The following PTPRD variants were observed in gnomAD, a reference collection of about 807,000 sequenced individuals.
PTPRD encodes receptor-type tyrosine-protein phosphatase delta.
A neutral mutation model predicts 214.5 loss-of-function variants in PTPRD; 34 were observed. That is an observed-to-expected ratio of 0.16 (90% confidence interval 0.12 to 0.21). The LOEUF (loss-of-function observed/expected upper bound fraction) is 0.21, where lower values mean the gene tolerates loss of function less well. PTPRD is among the 10% of genes least tolerant of loss of function. The probability of loss-of-function intolerance (pLI) is 1.00; values close to 1 mark genes in which losing one functional copy is unlikely to be tolerated. For missense variants in PTPRD, 2,545 were observed against 2,398.7 expected, an observed-to-expected ratio of 1.06 and a Z score of -1.27; for synonymous variants, 1,128 against 845.7, an observed-to-expected ratio of 1.33 and a Z score of -5.79.
chr9:8,668,317 C>A (rs1396809921), intron 12 of PTPRD, among the ~76,000 whole-genome samples: 1 of 152,110 alleles, frequency 6.6e-6, no homozygotes, highest in Non-Finnish European at 1.5e-5. Context: ...ATTAGATGTT[C>A]AAAAAATAGA....
chr9:8,901,744 T>A (rs1275369348), intron 11 of PTPRD, among the ~76,000 whole-genome samples: 1 of 152,230 alleles, frequency 6.6e-6, no homozygotes, highest in Non-Finnish European at 1.5e-5. Flanking sequence ...ATCACATTAT[T>A]CATTGTTTCA....
chr9:10,442,987 G>A (rs909120040), intron 2 of PTPRD, among the ~76,000 whole-genome samples: 2 of 150,750 alleles, frequency 1.3e-5, no homozygotes, highest in Admixed American at 1.3e-4. Flanking sequence ...TCTTTTGAGG[G>A]ATCAAGTAGA....
chr9:9,352,847 A>G (rs886447233), intron 9 of PTPRD, among the ~76,000 whole-genome samples: 6 of 151,972 alleles, frequency 3.9e-5, no homozygotes, highest in Non-Finnish European at 8.8e-5. Flanking sequence ...AGTCATGCAT[A>G]AAAAAGGTAG....
At chr9:10,072,493 C>T (rs542667271) in intron 3 of PTPRD, among the ~76,000 whole-genome samples, 6 of 151,986 alleles carry the variant, frequency 3.9e-5, no homozygotes, top group African/African-American at 1.2e-4. Context: ...TTGTGAAGGT[C>T]GAAAGAACAC....
At chr9:8,391,517 A>T (rs949134234) in intron 36 of PTPRD, among the ~76,000 whole-genome samples, 1 of 152,170 alleles carries the variant, frequency 6.6e-6, no homozygotes, top group African/African-American at 2.4e-5. Flanking sequence ...CTCAGGTTAC[A>T]AACACTGGGA....
chr9:9,469,551 C>T (rs913551795), intron 8 of PTPRD, among the ~76,000 whole-genome samples: 4 of 151,948 alleles, frequency 2.6e-5, no homozygotes, highest in Non-Finnish European at 1.5e-5. Context: ...TAATAATGTG[C>T]AATAAAAAAG....
chr9:10,234,918 T>A (rs890878066), intron 3 of PTPRD, among the ~76,000 whole-genome samples: 2 of 151,880 alleles, frequency 1.3e-5, no homozygotes, highest in African/African-American at 4.8e-5. Flanking sequence ...TTCTAATTTA[T>A]GAAACAAGAT....
intron 9 of PTPRD, among the ~76,000 whole-genome samples, chr9:9,196,928 A>C (rs2099938944): frequency 6.6e-6 from 1 of 152,168 alleles, no homozygotes; most frequent in African/African-American, 2.4e-5. Flanking sequence ...ATGGAATATC[A>C]ATATCAGACA....
At chr9:9,417,549 G>C (rs745788457) in intron 8 of PTPRD, among the ~76,000 whole-genome samples, 2 of 151,912 alleles carry the variant, frequency 1.3e-5, no homozygotes, top group Non-Finnish European at 2.9e-5. Context: ...TTTCTAATTA[G>C]CCATCATATT....
intron 24 of PTPRD, among the ~76,000 whole-genome samples, chr9:8,500,226 G>A (rs1300744280): frequency 2.6e-5 from 4 of 151,764 alleles, no homozygotes. Flanking sequence ...TTTTTTAAAG[G>A]TTTCTTTTTA....
At chr9:8,422,317 A>T (rs543957640) in intron 35 of PTPRD, among the ~76,000 whole-genome samples, 21 of 152,270 alleles carry the variant, frequency 1.4e-4, no homozygotes, top group Admixed American at 2.6e-4. Flanking sequence ...CAATCCTTGT[A>T]ATGTTTATAA....
intron 14 of PTPRD, among the ~76,000 whole-genome samples, chr9:8,625,891 C>G (rs1464773958): frequency 1.3e-5 from 2 of 150,632 alleles, no homozygotes; most frequent in African/African-American, 4.9e-5. Context: ...AAAAATCTTG[C>G]TATCTTTAAC....
intron 9 of PTPRD, among the ~76,000 whole-genome samples, chr9:9,372,356 A>C (rs1202210096): frequency 6.6e-5 from 10 of 152,202 alleles, no homozygotes; most frequent in African/African-American, 2.4e-4. Flanking sequence ...TGATCCCTTT[A>C]CAATTATGTA....
intron 4 of PTPRD, among the ~76,000 whole-genome samples, chr9:9,998,123 A>ATATATATATATATATATAT (rs1555449048): frequency 2.1e-5 from 1 of 47,762 alleles, no homozygotes; most frequent in African/African-American, 1.0e-4. Flanking sequence ...AATAAAAAAA[A>ATATATATATATATATATAT]AAAAAAATAT....
chr9:9,601,943 G>C (rs2093803547), intron 7 of PTPRD, among the ~76,000 whole-genome samples: 1 of 152,018 alleles, frequency 6.6e-6, no homozygotes, highest in Admixed American at 6.6e-5. Context: ...ATATATCTGT[G>C]AATTCTATAT....
intron 2 of PTPRD, among the ~76,000 whole-genome samples, chr9:10,421,604 T>A (rs1237758946): frequency 1.3e-5 from 2 of 151,904 alleles, no homozygotes; most frequent in African/African-American, 4.8e-5. Flanking sequence ...AGGTTTTATA[T>A]ACTAGTTCTA....
chr9:9,463,758 G>A (rs911649012), intron 8 of PTPRD, among the ~76,000 whole-genome samples: 1 of 151,986 alleles, frequency 6.6e-6, no homozygotes, highest in African/African-American at 2.4e-5. Context: ...TTCTGATAGA[G>A]CTGATACTTT....
chr9:10,325,790 AGG>A (rs2096632758), intron 3 of PTPRD, among the ~76,000 whole-genome samples: 1 of 151,920 alleles, frequency 6.6e-6, no homozygotes, highest in Non-Finnish European at 1.5e-5. Flanking sequence ...TAATGACTAA[AGG>A]AAGAATTTTG....
At chr9:9,423,443 T>G (rs2079600840) in intron 8 of PTPRD, among the ~76,000 whole-genome samples, 1 of 152,168 alleles carries the variant, frequency 6.6e-6, no homozygotes, top group Non-Finnish European at 1.5e-5. Context: ...CCTCAAGGAT[T>G]TGAGGAATAA....
Sources: gnomAD v4.1 joint callset for allele counts (sites outside exome capture counted in the v4.1 genomes callset) on GRCh38, gnomAD v4.1.1 for gene constraint, MANE v1.5 for transcripts, NCBI Gene and HGNC (gene_info 2026-07-23, HGNC 2026-07-21) for gene names.